ARFGEF3: variants seen among roughly 807,000 people sequenced by gnomAD.
The protein encoded by ARFGEF3 is ARFGEF family member 3, also known as brefeldin A-inhibited guanine nucleotide-exchange protein 3.
A neutral mutation model predicts 221.7 loss-of-function variants in ARFGEF3; 96 were observed. That is an observed-to-expected ratio of 0.43 (90% CI 0.37 to 0.51). The LOEUF (loss-of-function observed/expected upper bound fraction) is 0.51. Among genes scored for constraint, ARFGEF3 ranks in the 20% least tolerant of loss-of-function variants. ARFGEF3 has a pLI of 0.00. For missense variants in ARFGEF3, 2,410 were observed against 2,789.9 expected (o/e 0.86, Z 3.07); for synonymous variants, 1,145 against 1,126.8 (o/e 1.02, Z -0.32).
chr6:138,237,659 A>G (rs762213482), intron 5 of ARFGEF3, among the ~76,000 whole-genome samples: 4 of 152,218 alleles, frequency 2.6e-5, no homozygotes, highest in Non-Finnish European at 5.9e-5. Context: ...AAACAGAAGC[A>G]GGACAGTGTT....
chr6:138,273,986 C>T (rs1020168468), intron 12 of ARFGEF3, among the ~76,000 whole-genome samples: 21 of 152,190 alleles, frequency 1.4e-4, no homozygotes, highest in African/African-American at 5.1e-4. Context: ...CAACAGATTA[C>T]CTGCAACAAA....
rs1231095468 is a variant in ARFGEF3, at chr6:138,311,462, C to A, written c.4152C>A (p.Ser1384=). Residue 1384 remains serine (S), a synonymous_variant, in exon 25 of 34, where the codon TCC becomes TCA. Transcript: ENST00000251691. ...GTGCCCCAGCACCCGGAGCCCCGTC[C>A]ACAGACCTGTGCCTCCCGGCCCTGG... ...GDCAPAPGAP[S]TDLCLPALDY... 1 of 1,608,566 alleles carries A rather than the reference C, an allele frequency of 6.2e-7. No homozygotes were observed. Among genetic ancestry groups the A allele is most frequent in the Non-Finnish European group, 8.5e-7 (1 of 1,177,858 alleles).
At position 138,292,039 on chromosome 6, in the gene ARFGEF3, C is replaced by A. The variant is rs1205792352; in HGVS notation, c.3354C>A (p.Ser1118=). 1 of 1,455,272 alleles carries A rather than the reference C, an allele frequency of 6.9e-7. No individual in the cohort carries two copies. The highest frequency in any genetic ancestry group is 2.5e-5 in the Admixed American group (1 of 40,238). 90.1% of individuals were successfully genotyped at this position (1,455,272 alleles called of 1,614,324 possible). A position where few individuals can be genotyped will look rare whatever the true frequency, so the allele number is the denominator to read the frequency against. ...SSAAKVVLTL[S]TQADRLFEDA... ...CGGCCAAGGTGGTGCTCACCCTCTC[C>A]ACGCAAGCCGACAGGTGCGCGGCGC... is the stretch of plus-strand genomic sequence containing the variant. Residue 1118 remains serine, a synonymous_variant, in exon 19 of 34, where the codon TCC becomes TCA. Coordinates refer to ENST00000251691, the MANE Select transcript of ARFGEF3 (RefSeq NM_020340.5).
intron 31 of ARFGEF3, among the ~76,000 whole-genome samples, chr6:138,327,595 C>T (rs1780149773): frequency 6.6e-6 from 1 of 152,140 alleles, no homozygotes; most frequent in Non-Finnish European, 1.5e-5. Flanking sequence ...CACTGTGGCC[C>T]TATCAGTAAC....
At chr6:138,168,180 G>C (rs1269847531) in intron 1 of ARFGEF3, among the ~76,000 whole-genome samples, 1 of 152,178 alleles carries the variant, frequency 6.6e-6, no homozygotes, top group Admixed American at 6.5e-5. Flanking sequence ...TTCTTGGAGA[G>C]ATGACAGCCA....
intron 22 of ARFGEF3, among the ~76,000 whole-genome samples, chr6:138,302,169 G>T (rs1257644694): frequency 6.6e-6 from 1 of 152,136 alleles, no homozygotes; most frequent in African/African-American, 2.4e-5. Flanking sequence ...GGGAGCCAGA[G>T]CCTTCAAAGT....
chr6:138,279,398 G>T (rs1166437054), intron 13 of ARFGEF3, among the ~76,000 whole-genome samples: 1 of 152,176 alleles, frequency 6.6e-6, no homozygotes, highest in Non-Finnish European at 1.5e-5. Context: ...TAAGCTCACT[G>T]GCTGTTGCTC....
chr6:138,192,332 CA>C (rs1254373187), intron 2 of ARFGEF3, among the ~76,000 whole-genome samples: 1 of 152,070 alleles, frequency 6.6e-6, no homozygotes, highest in Non-Finnish European at 1.5e-5. Flanking sequence ...ACTAAAAATA[CA>C]AAAATTTGCC....
In ARFGEF3 at chr6:138,324,005, T is replaced by C. The variant is rs929439479; in HGVS notation, c.4870-18T>C. ...TGAACCAGGATGCATTCAGTGAGCA[T>C]CTGCTGTTTCTCCCCAGGACCTGCT... On this transcript the variant is annotated intron_variant, in intron 30 of 33. Transcript: ENST00000251691. 13 of 1,611,038 alleles carry C rather than the reference T, an allele frequency of 8.1e-6. No individual in the cohort carries two copies. The highest frequency in any genetic ancestry group is 3.3e-5 in the Admixed American group (2 of 59,804).
At chr6:138,253,068 C>G (rs1478600827) in intron 8 of ARFGEF3, among the ~76,000 whole-genome samples, 1 of 152,124 alleles carries the variant, frequency 6.6e-6, no homozygotes, top group Non-Finnish European at 1.5e-5. Context: ...AAGTCTAATG[C>G]AAGTTCACAA....
intron 4 of ARFGEF3, among the ~76,000 whole-genome samples, chr6:138,212,712 T>C (rs1046961005): frequency 6.6e-6 from 1 of 152,206 alleles, no homozygotes; most frequent in Non-Finnish European, 1.5e-5. Flanking sequence ...AAGGATGAGT[T>C]CATGTCCTTT....
intron 26 of ARFGEF3, among the ~76,000 whole-genome samples, chr6:138,315,094 GTCTTTTAGTA>G (rs1779899579): frequency 6.6e-6 from 1 of 152,122 alleles, no homozygotes; most frequent in Non-Finnish European, 1.5e-5. Context: ...GCTGATAATT[GTCTTTTAGTA>G]TCTTTTAGAA....
intron 14 of ARFGEF3, among the ~76,000 whole-genome samples, chr6:138,282,103 C>T (rs558274331): frequency 1.3e-4 from 20 of 152,282 alleles, no homozygotes; most frequent in Admixed American, 1.0e-3. Context: ...TACAGGTGCC[C>T]ACCACCATGC....
At chr6:138,326,302 G>GC (rs1261283367) in intron 31 of ARFGEF3, among the ~76,000 whole-genome samples, 1 of 152,088 alleles carries the variant, frequency 6.6e-6, no homozygotes, top group Non-Finnish European at 1.5e-5. Flanking sequence ...TTCTAGTCTT[G>GC]CCGGGCATGG....
In ARFGEF3 at chr6:138,253,914, T is replaced by G. The variant is rs1778625121; in HGVS notation, c.700T>G (p.Cys234Gly). ...SQQLQLLYLE[C>G]ILSVLSSSSS... ...GCAGCTGCAGCTTCTCTACCTGGAGTGCATCCTGTCTGTGCTCAGCAGCTC... is the reference window on the plus strand; with the variant it reads ...GCAGCTGCAGCTTCTCTACCTGGAGGGCATCCTGTCTGTGCTCAGCAGCTC... The change falls in exon 9 of 34, where the codon TGC (cysteine) becomes GGC (glycine). Residue 234 changes from cysteine to glycine, a missense_variant. By Grantham distance (159) the Cys-to-Gly change is radical. Transcript: ENST00000251691. 1.3e-6 allele frequency: 2 copies of G among 1,593,950 alleles called. No homozygotes were observed. Among genetic ancestry groups the G allele is most frequent in the Non-Finnish European group, 1.7e-6 (2 of 1,170,428 alleles).
chr6:138,335,435 T>C (rs1780305118), intron 33 of ARFGEF3, among the ~76,000 whole-genome samples: 1 of 151,986 alleles, frequency 6.6e-6, no homozygotes, highest in Admixed American at 6.6e-5. Flanking sequence ...TCCATAGTAA[T>C]GTATATTATT....
chr6:138,167,805 T>A (rs952738119), intron 1 of ARFGEF3, among the ~76,000 whole-genome samples: 5 of 152,188 alleles, frequency 3.3e-5, no homozygotes, highest in Non-Finnish European at 5.9e-5. Flanking sequence ...GAAACCCCAA[T>A]CTTTTCATGA....
intron 4 of ARFGEF3, among the ~76,000 whole-genome samples, chr6:138,228,339 G>A (rs1778129289): frequency 6.8e-6 from 1 of 147,910 alleles, no homozygotes; most frequent in Non-Finnish European, 1.5e-5. Context: ...ACCACACCTG[G>A]ATAATTTTTT....
chr6:138,286,987 G>T, intron 16 of ARFGEF3, 71 bp downstream of exon 16: 1 of 1,581,482 alleles, frequency 6.3e-7, no homozygotes, highest in Non-Finnish European at 8.6e-7. Flanking sequence ...GCAGGGTGGG[G>T]CAGGGGGACC....
Sources: gnomAD v4.1 joint callset for allele counts (sites outside exome capture counted in the v4.1 genomes callset) on GRCh38, gnomAD v4.1.1 for gene constraint, MANE v1.5 for transcripts, NCBI Gene and HGNC (gene_info 2026-07-23, HGNC 2026-07-21) for gene names.